The following RORA variants were observed in gnomAD, a reference collection of about 807,000 sequenced individuals.
RORA encodes the protein nuclear receptor ROR-alpha.
Under a neutral mutation model 69.5 loss-of-function variants are expected in RORA, and 7 were observed. The ratio of observed to expected loss-of-function variants is 0.10; its 90% CI spans 0.06 to 0.19. The LOEUF (loss-of-function observed/expected upper bound fraction) is 0.19. Among genes scored for constraint, RORA ranks in the 10% least tolerant of loss-of-function variants. The pLI is 1.00. For synonymous variants in RORA, 261 were observed against 240.8 expected (o/e 1.08, Z -0.78); for missense variants, 457 against 663.0 (o/e 0.69, Z 3.41).
chr15:61,229,170 T>C lies in RORA; in HGVS notation c.49A>G (p.Ser17Gly), dbSNP rs1567046625. The change falls in exon 1 of 11, where the codon AGC becomes GGC. Residue 17 changes from serine (S) to glycine (G), a missense_variant. Transcript: ENST00000335670. ...APDPAASEPGSSGADAAAGSR... is the reference protein window; with the variant it reads ...APDPAASEPGGSGADAAAGSR... ...CCGGCGGCCGCGTCCGCGCCGCTGC[T>C]GCCTGGCTCGCTGGCGGCGGGGTCG... The C allele has an allele frequency of 1.3e-6, 2 of 1,553,356 alleles. No homozygotes were observed. Among genetic ancestry groups the C allele is most frequent in the Middle Eastern group, 4.6e-4 (2 of 4,356 alleles).
chr15:60,971,237 A>T (rs933915401), intron 1 of RORA, among the ~76,000 whole-genome samples: 1 of 152,178 alleles, frequency 6.6e-6, no homozygotes, highest in African/African-American at 2.4e-5. Flanking sequence ...GGACTCCCCT[A>T]ACACTGCATT....
intron 1 of RORA, among the ~76,000 whole-genome samples, chr15:60,754,989 T>A (rs986458253): frequency 5.3e-5 from 8 of 151,644 alleles, no homozygotes; most frequent in African/African-American, 1.7e-4. Flanking sequence ...AGTCTTTTTT[T>A]TTTTTTATAT....
intron 1 of RORA, among the ~76,000 whole-genome samples, chr15:60,753,092 T>C (rs549972234): frequency 2.0e-5 from 3 of 152,164 alleles, no homozygotes; most frequent in Admixed American, 2.0e-4. Flanking sequence ...CTAAAAGATA[T>C]GACAATAACA....
At chr15:60,770,343 A>G (rs190294246) in intron 1 of RORA, among the ~76,000 whole-genome samples, 122 of 152,306 alleles carry the variant, frequency 8.0e-4, no homozygotes, top group Non-Finnish European at 1.4e-3. Flanking sequence ...TGACCAGCAC[A>G]TACAGGCAGG....
intron 1 of RORA, among the ~76,000 whole-genome samples, chr15:61,044,015 C>T (rs974847811): frequency 1.3e-5 from 2 of 152,110 alleles, no homozygotes; most frequent in African/African-American, 2.4e-5. Flanking sequence ...GCCACAAACA[C>T]GGACCCCAGG....
chr15:61,093,968 C>A (rs957866855), intron 1 of RORA, among the ~76,000 whole-genome samples: 1 of 152,180 alleles, frequency 6.6e-6, no homozygotes, highest in Non-Finnish European at 1.5e-5. Context: ...CTGCTTCCGT[C>A]GCCAAGTCCT....
intron 1 of RORA, among the ~76,000 whole-genome samples, chr15:60,925,236 C>T (rs1285928788): frequency 1.3e-5 from 2 of 152,174 alleles, no homozygotes; most frequent in Non-Finnish European, 2.9e-5. Flanking sequence ...CTCTCAATGG[C>T]ATTTTTTGAA....
chr15:60,775,612 C>A (rs116656089), intron 1 of RORA, among the ~76,000 whole-genome samples: 1 of 152,134 alleles, frequency 6.6e-6, no homozygotes, highest in African/African-American at 2.4e-5. Context: ...TCCCTGATTA[C>A]CCCCTACTCA....
At chr15:61,174,010 T>G (rs2079607101) in intron 1 of RORA, among the ~76,000 whole-genome samples, 1 of 152,232 alleles carries the variant, frequency 6.6e-6, no homozygotes, top group Admixed American at 6.5e-5. Context: ...AGACCTTTAT[T>G]GGCAGAAATT....
intron 1 of RORA, among the ~76,000 whole-genome samples, chr15:61,193,006 G>A (rs10519115): frequency 0.15 from 22,596 of 152,060 alleles, 2,349 homozygotes; most frequent in African/African-American, 0.27. Flanking sequence ...ACGACTCTCT[G>A]TTATCAAGTG....
chr15:60,542,428 TGCACACCTCACAGCACAGCACACAG>T (rs2066902287), intron 2 of RORA, among the ~76,000 whole-genome samples: 2 of 149,418 alleles, frequency 1.3e-5, no homozygotes, highest in Non-Finnish European at 1.5e-5. Context: ...ACACCACAGA[TGCACACCTCACAGCACAGCACACAG>T]GCACACCTCA....
At chr15:61,187,007 G>C (rs1210761125) in intron 1 of RORA, among the ~76,000 whole-genome samples, 1 of 152,212 alleles carries the variant, frequency 6.6e-6, no homozygotes, top group Non-Finnish European at 1.5e-5. Context: ...CTACTTATCT[G>C]CTCTCTCTGA....
At chr15:60,887,512 AAG>A (rs2073764855) in intron 1 of RORA, among the ~76,000 whole-genome samples, 1 of 152,226 alleles carries the variant, frequency 6.6e-6, no homozygotes, top group African/African-American at 2.4e-5. Flanking sequence ...AGCAGGAAAA[AAG>A]AGAAAGAAAT....
intron 1 of RORA, among the ~76,000 whole-genome samples, chr15:61,141,431 G>C (rs1230719158): frequency 6.6e-6 from 1 of 152,110 alleles, no homozygotes; most frequent in Non-Finnish European, 1.5e-5. Flanking sequence ...ACTAGCGAGA[G>C]ACACCCAGAG....
intron 1 of RORA, among the ~76,000 whole-genome samples, chr15:61,151,045 A>T (rs899170737): frequency 6.6e-6 from 1 of 152,250 alleles, no homozygotes; most frequent in Non-Finnish European, 1.5e-5. Context: ...AGTTGCACAC[A>T]TGCTGTAATT....
At chr15:60,924,535 A>G (rs1892151058) in intron 1 of RORA, among the ~76,000 whole-genome samples, 1 of 151,854 alleles carries the variant, frequency 6.6e-6, no homozygotes, top group Non-Finnish European at 1.5e-5. Context: ...ATCCGATTTA[A>G]TGTAATTCTA....
At chr15:60,862,570 G>A (rs72750660) in intron 1 of RORA, among the ~76,000 whole-genome samples, 12,448 of 152,198 alleles carry the variant, frequency 0.082, 587 homozygotes, top group Non-Finnish European at 0.1. Flanking sequence ...AATTGCATCC[G>A]CTCCTACCAA....
chr15:61,020,041 T>C (rs952535706), intron 1 of RORA, among the ~76,000 whole-genome samples: 1 of 152,196 alleles, frequency 6.6e-6, no homozygotes, highest in African/African-American at 2.4e-5. Context: ...AGATTCACAT[T>C]TGCAAGTGTC....
chr15:61,137,212 A>G (rs1401352666), intron 1 of RORA, among the ~76,000 whole-genome samples: 1 of 152,180 alleles, frequency 6.6e-6, no homozygotes, highest in East Asian at 1.9e-4. Context: ...GTTTATTCTA[A>G]AGTTATCCTT....
Sources: gnomAD v4.1 joint callset for allele counts (sites outside exome capture counted in the v4.1 genomes callset) on GRCh38, gnomAD v4.1.1 for gene constraint, MANE v1.5 for transcripts, NCBI Gene and HGNC (gene_info 2026-07-23, HGNC 2026-07-21) for gene names.